The following RNF111 variants were observed in gnomAD, a reference collection of about 807,000 sequenced individuals.
RNF111 encodes the protein ring finger protein 111.
In RNF111, 17 loss-of-function variants were observed where a neutral mutation model predicts 95.1. The observed-to-expected ratio is 0.18, with a 90% CI of 0.12 to 0.27. RNF111 has a LOEUF of 0.27. Among genes scored for constraint, RNF111 ranks in the 10% least tolerant of loss-of-function variants. The pLI is 1.00. For synonymous variants in RNF111, 440 were observed against 414.8 expected, an observed-to-expected ratio of 1.06 and a Z score of -0.74; for missense variants, 1,189 against 1,210.4, an observed-to-expected ratio of 0.98 and a Z score of 0.26.
At chr15:59,070,981 A>C (rs1178102978) in intron 6 of RNF111, among the ~76,000 whole-genome samples, 1 of 152,164 alleles carries the variant, frequency 6.6e-6, no homozygotes, top group Non-Finnish European at 1.5e-5. Context: ...CACTGAACCT[A>C]AGCAGTAGGT....
intron 10 of RNF111, 89 bp downstream of exon 10, chr15:59,085,874 G>C: frequency 9.2e-7 from 1 of 1,092,434 alleles, no homozygotes; most frequent in South Asian, 1.6e-5. Context: ...TATTAATATA[G>C]ATGTTTTAAT....
chr15:59,067,287 T>C (rs1348225459), intron 6 of RNF111, among the ~76,000 whole-genome samples: 1 of 149,002 alleles, frequency 6.7e-6, no homozygotes, highest in Non-Finnish European at 1.5e-5. Context: ...CTTTCCTCTC[T>C]TCCCCTCCTT....
At chr15:59,000,161 C>T (rs1255554406) in intron 1 of RNF111, among the ~76,000 whole-genome samples, 19 of 133,342 alleles carry the variant, frequency 1.4e-4, no homozygotes, top group African/African-American at 5.9e-4. Flanking sequence ...TTTTTTTTTT[C>T]CCTTTTTTTT....
chr15:59,013,138 C>T lies in RNF111; in HGVS notation c.-19-17666C>T, dbSNP rs372058587. 1.0e-3 allele frequency among the ~76,000 whole-genome samples: 156 copies of T among 152,196 alleles called. 1 individual carries two copies. In the South Asian group the frequency reaches 0.016, roughly 16 times the overall value. ...TCCATAGTCACTCATTTCTCTCCTG[C>T]CTTTCCTAGGGATCAGGGGAAGTTT... On this transcript the variant is annotated intron_variant, in intron 1 of 13. Transcript: ENST00000348370.
chr15:59,037,307 G>A (rs960041449), intron 2 of RNF111, among the ~76,000 whole-genome samples: 1 of 152,166 alleles, frequency 6.6e-6, no homozygotes, highest in Non-Finnish European at 1.5e-5. Flanking sequence ...CCAGTTGCCA[G>A]TGAGGCTGAT....
intron 6 of RNF111, among the ~76,000 whole-genome samples, chr15:59,074,612 T>A (rs1331210133): frequency 2.0e-5 from 3 of 152,250 alleles, no homozygotes; most frequent in African/African-American, 7.2e-5. Flanking sequence ...GCTTAGGCTT[T>A]GGCTTAAGAG....
At chr15:59,049,403 A>G (rs1596199103) in intron 2 of RNF111, 1 of 141,536 alleles carries the variant, frequency 7.1e-6, no homozygotes, top group Non-Finnish European at 1.4e-5. Flanking sequence ...CTAGTATGCC[A>G]TGAATTCACA....
intron 8 of RNF111, among the ~76,000 whole-genome samples, chr15:59,081,574 T>C (rs1444858368): frequency 6.6e-6 from 1 of 152,036 alleles, no homozygotes; most frequent in Non-Finnish European, 1.5e-5. Context: ...AACTTGTAAC[T>C]ATAAGCTGGG....
intron 1 of RNF111, among the ~76,000 whole-genome samples, chr15:58,995,812 C>T (rs2039046005): frequency 7.1e-6 from 1 of 140,004 alleles, no homozygotes; most frequent in South Asian, 2.3e-4. Context: ...CTTTCTGGCA[C>T]AGCAAGATGT....
intron 1 of RNF111, among the ~76,000 whole-genome samples, chr15:59,009,035 C>G (rs2039669736): frequency 6.6e-6 from 1 of 152,120 alleles, no homozygotes; most frequent in Non-Finnish European, 1.5e-5. Context: ...TCTTGGCTCA[C>G]TGCAACCTCC....
At chr15:59,076,951 T>C (rs2078581892) in intron 7 of RNF111, among the ~76,000 whole-genome samples, 1 of 152,222 alleles carries the variant, frequency 6.6e-6, no homozygotes, top group Non-Finnish European at 1.5e-5. Context: ...TTCACTTACA[T>C]ATCTTCTTGG....
chr15:59,049,235 A>C (rs1250707525), intron 2 of RNF111, among the ~76,000 whole-genome samples: 1 of 152,152 alleles, frequency 6.6e-6, no homozygotes, highest in Non-Finnish European at 1.5e-5. Flanking sequence ...TGTTTCTACA[A>C]ATTTGACTAC....
At chr15:59,000,108 G>C (rs2039256708) in intron 1 of RNF111, among the ~76,000 whole-genome samples, 1 of 150,504 alleles carries the variant, frequency 6.6e-6, no homozygotes, top group African/African-American at 2.4e-5. Flanking sequence ...AGTATCAGTA[G>C]ATATAACCCA....
intron 2 of RNF111, among the ~76,000 whole-genome samples, chr15:59,033,850 A>T (rs1218215027): frequency 6.6e-6 from 1 of 152,204 alleles, no homozygotes; most frequent in Non-Finnish European, 1.5e-5. Context: ...ACTACCCTCA[A>T]ACATGAGAAA....
chr15:59,073,044 C>T (rs750490560), intron 6 of RNF111, among the ~76,000 whole-genome samples: 8 of 152,018 alleles, frequency 5.3e-5, no homozygotes, highest in Non-Finnish European at 7.4e-5. Context: ...CAGTGGCACG[C>T]GCCTGTGGTC....
intron 1 of RNF111, among the ~76,000 whole-genome samples, chr15:58,995,406 G>C (rs1362825318): frequency 6.6e-6 from 1 of 151,344 alleles, no homozygotes; most frequent in African/African-American, 2.4e-5. Flanking sequence ...AATTGTCCCA[G>C]ATTTGTCCAT....
intron 1 of RNF111, among the ~76,000 whole-genome samples, chr15:59,024,410 C>T (rs1224912018): frequency 1.3e-5 from 2 of 152,144 alleles, no homozygotes; most frequent in African/African-American, 4.8e-5. Context: ...TTCCTTGGAA[C>T]TTATATTCTA....
chr15:59,094,846 G>A lies in RNF111; in HGVS notation c.2907G>A (p.Lys969=), dbSNP rs1285924234. The A allele has an allele frequency of 5.0e-6, 8 of 1,613,254 alleles. No homozygotes were observed. The highest frequency in any genetic ancestry group is 1.3e-5 in the African/African-American group (1 of 74,876). Residue 969 remains lysine (K), a synonymous_variant, in exon 14 of 14, where the codon AAG becomes AAA. Coordinates refer to ENST00000348370, the MANE Select transcript of RNF111 (RefSeq NM_017610.8). ...TTGACCAATGGTTGATTACCAATAA[G>A]AAGTGCCCCATATGCAGAGTGGACA... is the stretch of plus-strand genomic sequence containing the variant. The part of the protein sequence containing the change: ...VCVDQWLITN[K]KCPICRVDIE...
At chr15:59,041,961 ATTT>A (rs79347638) in intron 2 of RNF111, among the ~76,000 whole-genome samples, 1 of 100,100 alleles carries the variant, frequency 1.0e-5, no homozygotes, top group Non-Finnish European at 2.0e-5. Context: ...GTCTGTTCAT[ATTT>A]TTTTTTTTTT....
Sources: gnomAD v4.1 joint callset for allele counts (sites outside exome capture counted in the v4.1 genomes callset) on GRCh38, gnomAD v4.1.1 for gene constraint, MANE v1.5 for transcripts, NCBI Gene and HGNC (gene_info 2026-07-23, HGNC 2026-07-21) for gene names.